COL28A1: variants seen among roughly 807,000 people sequenced by gnomAD.
COL28A1 encodes the protein collagen alpha-1(XXVIII) chain.
COL28A1 carries 161 observed loss-of-function variants against 150.2 expected under a neutral mutation model. That is an observed-to-expected ratio of 1.07 (90% CI 0.94 to 1.22). The LOEUF (loss-of-function observed/expected upper bound fraction) is 1.22, where lower values mean the gene tolerates loss of function less well. Ranked by LOEUF, COL28A1 falls within the 50% of genes most tolerant of loss-of-function variation. The pLI is 0.00. For synonymous variants in COL28A1, 552 were observed against 469.7 expected (o/e 1.18, Z -2.26); for missense variants, 1,617 against 1,388.3 (o/e 1.16, Z -2.62).
intron 3 of COL28A1, among the ~76,000 whole-genome samples, chr7:7,528,383 G>A (rs893081282): frequency 6.6e-6 from 1 of 152,110 alleles, no homozygotes; most frequent in Non-Finnish European, 1.5e-5. Flanking sequence ...TCAATTTGGA[G>A]TCATTAAGTC....
intron 25 of COL28A1, among the ~76,000 whole-genome samples, chr7:7,423,277 T>G (rs1031322768): frequency 6.6e-5 from 10 of 152,176 alleles, no homozygotes; most frequent in African/African-American, 2.2e-4. Context: ...TAAGGAAGTG[T>G]GATATGTAAA....
upstream of COL28A1, chr7:7,535,994 G>C (rs978706539): frequency 6.6e-6 from 1 of 152,234 alleles, no homozygotes; most frequent in African/African-American, 2.4e-5. Context: ...TAAAGGAACA[G>C]TGTCCTTTCA....
intron 27 of COL28A1, among the ~76,000 whole-genome samples, chr7:7,383,563 G>C (rs1469218443): frequency 1.3e-5 from 2 of 151,512 alleles, no homozygotes; most frequent in African/African-American, 2.4e-5. Flanking sequence ...ACAGGCATGA[G>C]CCACCACACC....
intron 18 of COL28A1, among the ~76,000 whole-genome samples, chr7:7,446,391 G>A (rs985600168): frequency 6.6e-6 from 1 of 152,040 alleles, no homozygotes; most frequent in Admixed American, 6.5e-5. Flanking sequence ...TATAAATGCT[G>A]TAAAAAGAAA....
chr7:7,505,695 G>C (rs1000668114), intron 11 of COL28A1, among the ~76,000 whole-genome samples: 1 of 152,128 alleles, frequency 6.6e-6, no homozygotes, highest in African/African-American at 2.4e-5. Context: ...TGTGTCACTT[G>C]TTATTGCTTT....
rs1781746316 is a variant in COL28A1, at chr7:7,521,904, C to G, written c.759+1G>C. 1 of 1,042,788 alleles carries G rather than the reference C, an allele frequency of 9.6e-7. No individual in the cohort carries two copies. 64.6% of individuals were successfully genotyped at this position (1,042,788 alleles called of 1,614,324 possible). A position where few individuals can be genotyped will look rare whatever the true frequency, so the allele number is the denominator to read the frequency against. On this transcript the variant is annotated splice_donor_variant, in intron 5 of 34. Transcript: ENST00000399429. LOFTEE classifies it high-confidence loss of function. ...TAAGTTCAAAGTGGAAGTATACTCA[C>G]AGGAGGCCCTGGATCACCTGGATCT...
At chr7:7,458,847 C>CTAG (rs1278450191) in intron 15 of COL28A1, among the ~76,000 whole-genome samples, 1 of 152,188 alleles carries the variant, frequency 6.6e-6, no homozygotes, top group Non-Finnish European at 1.5e-5. Context: ...CTCATAGCCA[C>CTAG]TAGTTTGCAA....
chr7:7,384,375 G>A (rs1318272113), intron 27 of COL28A1, among the ~76,000 whole-genome samples: 1 of 152,142 alleles, frequency 6.6e-6, no homozygotes, highest in Non-Finnish European at 1.5e-5. Context: ...TTTAAAGTCA[G>A]AATAGAATAC....
Position 7,373,333 on chromosome 7 carries a change from T to C in COL28A1, c.2573A>G (p.Lys858Arg). 6.2e-7 allele frequency: 1 copy of C among 1,614,202 alleles called. No homozygotes were observed. Among genetic ancestry groups the C allele is most frequent in the Non-Finnish European group, 8.5e-7 (1 of 1,180,030 alleles). ...GTCCACAGCCAACTTGAAGTCATCC[T>C]TGCTGGAGAACTGCTTCAAATTAGC... Reference protein sequence around the residue: ...KVANLKQFSSKDDFKLAVDNM... With the variant: ...KVANLKQFSSRDDFKLAVDNM... Residue 858 changes from lysine to arginine, a missense_variant, in exon 32 of 35, where the codon AAG becomes AGG. Coordinates refer to ENST00000399429, the MANE Select transcript of COL28A1 (RefSeq NM_001037763.3). This position sits in a 1 kb window ranked among gnomAD's most constrained non-coding sequence, Gnocchi z 4.1.
intron 25 of COL28A1, among the ~76,000 whole-genome samples, chr7:7,424,712 ACT>A (rs951437486): frequency 1.4e-4 from 21 of 151,582 alleles, no homozygotes; most frequent in African/African-American, 4.6e-4. Context: ...CCCTGCACCC[ACT>A]CTCTCAAAAG....
At chr7:7,438,426 G>A (rs1228926205) in intron 21 of COL28A1, among the ~76,000 whole-genome samples, 5 of 152,152 alleles carry the variant, frequency 3.3e-5, no homozygotes, top group African/African-American at 1.2e-4. Context: ...AGAAGCAGAG[G>A]AATTATCAGG....
At chr7:7,440,710 T>C in intron 21 of COL28A1, 80 bp downstream of exon 21, 1 of 613,798 alleles carries the variant, frequency 1.6e-6, no homozygotes, top group Admixed American at 2.6e-5. Flanking sequence ...AATCCAATTT[T>C]CAGTGGAAAT....
chr7:7,435,900 G>A (rs547672719), intron 23 of COL28A1, among the ~76,000 whole-genome samples: 1 of 152,328 alleles, frequency 6.6e-6, no homozygotes, highest in South Asian at 2.1e-4. Context: ...GCTGGGTATA[G>A]TGTGAGGAGG....
In COL28A1 at chr7:7,373,200, G is replaced by T; in HGVS notation, c.2706C>A (p.Ile902=). Residue 902 remains isoleucine, a synonymous_variant, in exon 32 of 35, where the codon ATC becomes ATA. Transcript: ENST00000399429. The surrounding 1 kb of genome is among the most constrained non-coding windows in gnomAD (Gnocchi z 4.1). ...CACGAGAATCTGTCTGTCCATCAGT[G>T]ATGACCAAGGCCACTTTTTTTACAC... ...RPGVKKVALV[I]TDGQTDSRDK... is the part of the protein sequence containing the mutation. 1 of 1,614,162 alleles carries T rather than the reference G, an allele frequency of 6.2e-7. No individual in the cohort carries two copies. Among genetic ancestry groups the T allele is most frequent in the Non-Finnish European group, 8.5e-7 (1 of 1,180,044 alleles).
chr7:7,358,758 C>T lies in COL28A1; in HGVS notation c.3253G>A (p.Val1085Met), dbSNP rs779171061. ...TGTTTGTCATAATACCATCGAACCA[C>T]ATATTCACCACAGTTTCCAGGCTTC... The part of the protein sequence containing the change: ...ALKPGNCGEY[V>M]VRWYYDKQVN... Residue 1085 changes from valine (V) to methionine (M), a missense_variant, in exon 35 of 35, where the codon GTG (valine) becomes ATG (methionine). Val to Met is a conservative substitution (Grantham distance 21). Coordinates refer to ENST00000399429, the MANE Select transcript of COL28A1 (RefSeq NM_001037763.3). The T allele has an allele frequency of 1.9e-6, 3 of 1,614,000 alleles. No homozygotes were observed. Among genetic ancestry groups the T allele is most frequent in the Non-Finnish European group, 8.5e-7 (1 of 1,179,962 alleles).
downstream of COL28A1, among the ~76,000 whole-genome samples, chr7:7,353,257 G>T (rs1227848715): frequency 6.6e-6 from 1 of 152,168 alleles, no homozygotes; most frequent in Non-Finnish European, 1.5e-5. Context: ...CTTCCCAGGT[G>T]CAGAACAAAG....
At chr7:7,391,500 G>A (rs1482629788) in intron 27 of COL28A1, among the ~76,000 whole-genome samples, 7 of 152,130 alleles carry the variant, frequency 4.6e-5, no homozygotes, top group Non-Finnish European at 1.0e-4. Context: ...GGTCCAGCTG[G>A]TCCAGAGCTG....
intron 13 of COL28A1, among the ~76,000 whole-genome samples, chr7:7,487,299 G>A (rs1029094654): frequency 4.6e-5 from 7 of 152,108 alleles, no homozygotes; most frequent in East Asian, 1.9e-4. Context: ...TTTTTTACGC[G>A]GGGCACAGTG....
chr7:7,510,827 A>C (rs1441498128), intron 9 of COL28A1, among the ~76,000 whole-genome samples: 1 of 152,214 alleles, frequency 6.6e-6, no homozygotes, highest in East Asian at 1.9e-4. Context: ...TCTTTTTACC[A>C]TAACATTCAG....
Sources: allele counts gnomAD v4.1 joint callset (sites outside exome capture counted in the v4.1 genomes callset), GRCh38; gene constraint gnomAD v4.1.1; non-coding constraint Gnocchi (gnomAD v3.1); transcripts MANE v1.5; gene names NCBI Gene and HGNC (gene_info 2026-07-23, HGNC 2026-07-21).